Variants in ZNF331 observed in about 807,000 individuals in gnomAD.
ZNF331 encodes the protein C2H2-like zinc finger protein rearranged in thyroid adenomas.
ZNF331 carries 2 observed loss-of-function variants against 7.0 expected under a neutral mutation model. The observed-to-expected ratio is 0.29, with a 90% confidence interval of 0.12 to 0.90. The LOEUF is 0.90. ZNF331 is among the 40% of genes least tolerant of loss of function. The pLI is 0.58. For synonymous variants in ZNF331, 196 were observed against 205.4 expected, an observed-to-expected ratio of 0.95 and a Z score of 0.39; for missense variants, 432 against 587.7, an observed-to-expected ratio of 0.74 and a Z score of 2.74.
At chr19:53,564,495 G>GT (rs1391725779) in intron 3 of ZNF331, among the ~76,000 whole-genome samples, 2 of 151,708 alleles carry the variant, frequency 1.3e-5, no homozygotes, top group African/African-American at 4.8e-5. Flanking sequence ...GGCCAGGCTG[G>GT]TTTTGGAACT....
chr19:53,517,923 C>A (rs570285458), upstream of ZNF331, among the ~76,000 whole-genome samples: 1 of 152,286 alleles, frequency 6.6e-6, no homozygotes, highest in East Asian at 1.9e-4. Flanking sequence ...AGCCATGAGC[C>A]GCCTGGAGTT....
rs2088015436 is a variant in ZNF331 at position 53,539,838 on chromosome 19, T to A, written c.-138+556T>A. On this transcript the variant is annotated intron_variant, in intron 2 of 5. Coordinates refer to ENST00000449416, the MANE Select transcript of ZNF331 (RefSeq NM_001079906.2). The surrounding 1 kb of genome is among the most constrained non-coding windows in gnomAD (Gnocchi z 6.1). ...GGCTGTGTACCTTGACCACAATTAT[T>A]GTTCAGGATGGTGGAAATGGTTAAG... Among the ~76,000 whole-genome samples, 1 of 152,192 alleles carries A rather than the reference T, an allele frequency of 6.6e-6. No homozygotes were observed. Among genetic ancestry groups the A allele is most frequent in the Non-Finnish European group, 1.5e-5 (1 of 68,040 alleles).
chr19:53,577,542 G>T lies in ZNF331; in HGVS notation c.982G>T (p.Glu328Ter). 6.2e-7 allele frequency: 1 copy of T among 1,612,878 alleles called. No individual in the cohort carries two copies. The change falls in exon 6 of 6, where the codon GAA (glutamate) becomes TAA (stop). Residue 328 changes from glutamate (E) to a stop codon, truncating the protein, a stop_gained. Transcript: ENST00000449416. LOFTEE classifies it low-confidence loss of function (END_TRUNC). ...QKIHTGEKPH[E>*]CKECGKAFRW... The stretch of plus-strand genomic sequence containing the variant: ...GATCCACACCGGTGAGAAGCCTCAC[G>T]AATGTAAGGAGTGTGGGAAGGCCTT...
intron 2 of ZNF331, among the ~76,000 whole-genome samples, chr19:53,545,130 C>T (rs1175523425): frequency 6.6e-6 from 1 of 152,172 alleles, no homozygotes; most frequent in Non-Finnish European, 1.5e-5. Context: ...ACAGTTATCT[C>T]AGTTTTTTAG....
upstream of ZNF331, among the ~76,000 whole-genome samples, chr19:53,535,801 C>CTT (rs558002929): frequency 1.6e-4 from 23 of 143,440 alleles, no homozygotes; most frequent in African/African-American, 2.3e-4. Context: ...AAAATGTTCA[C>CTT]TTTTTTTTTT....
chr19:53,522,045 A>C (rs2147226062), exon 1 of ZNF331: 1 of 152,310 alleles, frequency 6.6e-6, no homozygotes, highest in African/African-American at 2.4e-5. Flanking sequence ...GACAAGAGGA[A>C]GTAACCTCAA....
At chr19:53,569,850 T>G (rs140020689) in intron 4 of ZNF331, among the ~76,000 whole-genome samples, 5 of 152,298 alleles carry the variant, frequency 3.3e-5, no homozygotes, top group African/African-American at 1.2e-4. Flanking sequence ...GATTAGGACC[T>G]TTGAACAGAG....
intron 3 of ZNF331, among the ~76,000 whole-genome samples, chr19:53,561,440 C>T (rs892204093): frequency 3.3e-5 from 5 of 151,686 alleles, no homozygotes; most frequent in Non-Finnish European, 7.4e-5. Context: ...TTCTGGTCCT[C>T]GTTTTTGTAA....
rs1328866924 is a variant in ZNF331, at chr19:53,539,720, AC to A, written c.-138+440del. Among the ~76,000 whole-genome samples the A allele has an allele frequency of 4.6e-5, 7 of 152,096 alleles. No individual in the cohort carries two copies. Among genetic ancestry groups the A allele is most frequent in the Non-Finnish European group, 1.0e-4 (7 of 68,022 alleles). ...AGTGTTAGTGTATCTGTCCCCCACCACCACCACCCTAAGGAGATACTCTGTA... is the reference window on the plus strand; with the variant it reads ...AGTGTTAGTGTATCTGTCCCCCACCACACCACCCTAAGGAGATACTCTGTA... On this transcript the variant is annotated intron_variant, in intron 2 of 5. Coordinates refer to ENST00000449416, the MANE Select transcript of ZNF331 (RefSeq NM_001079906.2). This position sits in a 1 kb window ranked among gnomAD's most constrained non-coding sequence, Gnocchi z 6.1.
At chr19:53,544,046 G>A (rs2088377477) in intron 2 of ZNF331, among the ~76,000 whole-genome samples, 1 of 151,862 alleles carries the variant, frequency 6.6e-6, no homozygotes, top group Admixed American at 6.6e-5. Context: ...GGCCACCATG[G>A]TGAAATCCCA....
At chr19:53,529,132 G>T (rs1292072789) in intron 2 of ZNF331, among the ~76,000 whole-genome samples, 1 of 152,066 alleles carries the variant, frequency 6.6e-6, no homozygotes, top group Admixed American at 6.5e-5. Flanking sequence ...GCTGGGCGTG[G>T]TGGCTCACGC....
At chr19:53,559,192 C>T (rs556696615) in intron 3 of ZNF331, among the ~76,000 whole-genome samples, 2 of 139,258 alleles carry the variant, frequency 1.4e-5, no homozygotes, top group East Asian at 2.0e-4. Context: ...TACAAACACA[C>T]CCCATGTACA....
chr19:53,515,827 C>A (rs1050919195), upstream of ZNF331, among the ~76,000 whole-genome samples: 3 of 152,158 alleles, frequency 2.0e-5, no homozygotes, highest in African/African-American at 7.2e-5. Context: ...TCCTTTTAAA[C>A]CCTTTCTGTC....
At chr19:53,536,595 T>G (rs1306383594), upstream of ZNF331, among the ~76,000 whole-genome samples, 1 of 152,158 alleles carries the variant, frequency 6.6e-6, no homozygotes, top group Non-Finnish European at 1.5e-5. Context: ...ACTGCAAGAT[T>G]TTCATTTTTA....
At chr19:53,572,298 A>G (rs1202298746) in intron 5 of ZNF331, among the ~76,000 whole-genome samples, 3 of 152,066 alleles carry the variant, frequency 2.0e-5, no homozygotes, top group Non-Finnish European at 2.9e-5. Context: ...ACATCCCTGG[A>G]AACTTATTTT....
chr19:53,550,260 G>A (rs1271855698), intron 2 of ZNF331, among the ~76,000 whole-genome samples: 1 of 152,138 alleles, frequency 6.6e-6, no homozygotes, highest in East Asian at 1.9e-4. Context: ...GGTCTAAAGC[G>A]TAATTCAGGT....
At chr19:53,506,488 C>CTCTCTCTCTCTCTCTCTCTGTCTG in the ZNF331 span, among the ~76,000 whole-genome samples, 1 of 138,766 alleles carries the variant, frequency 7.2e-6, no homozygotes, top group Non-Finnish European at 1.6e-5. Context: ...CTCTGTCTGT[C>CTCTCTCTCTCTCTCTCTCTGTCTG]TCTCTCTCTC....
chr19:53,561,153 G>A (rs988208542), intron 3 of ZNF331, among the ~76,000 whole-genome samples: 3 of 151,964 alleles, frequency 2.0e-5, no homozygotes, highest in Admixed American at 6.6e-5. Flanking sequence ...AGACCCTGTC[G>A]CAAAATATAT....
intron 1 of ZNF331, among the ~76,000 whole-genome samples, chr19:53,522,402 A>G (rs1187952061): frequency 6.6e-6 from 1 of 151,762 alleles, no homozygotes. Flanking sequence ...ATGCCCAGCT[A>G]ATTTTTGTAT....
Sources: allele counts gnomAD v4.1 joint callset (sites outside exome capture counted in the v4.1 genomes callset), GRCh38; gene constraint gnomAD v4.1.1; non-coding constraint Gnocchi (gnomAD v3.1); transcripts MANE v1.5; gene names NCBI Gene and HGNC (gene_info 2026-07-23, HGNC 2026-07-21).